NTN1: variants seen among roughly 807,000 people sequenced by gnomAD.
The protein encoded by NTN1 is netrin-1.
A neutral mutation model predicts 54.2 loss-of-function variants in NTN1; 11 were observed. The ratio of observed to expected loss-of-function variants is 0.20; its 90% CI spans 0.13 to 0.34. The LOEUF (loss-of-function observed/expected upper bound fraction) is 0.34. NTN1 is among the 10% of genes least tolerant of loss of function. The probability of loss-of-function intolerance (pLI) is 1.00; values close to 1 mark genes in which losing one functional copy is unlikely to be tolerated. For synonymous variants in NTN1, 371 were observed against 382.0 expected, an observed-to-expected ratio of 0.97 and a Z score of 0.33; for missense variants, 740 against 893.1, an observed-to-expected ratio of 0.83 and a Z score of 2.18.
At chr17:9,159,656 C>T (rs1276775582) in intron 2 of NTN1, among the ~76,000 whole-genome samples, 1 of 151,980 alleles carries the variant, frequency 6.6e-6, no homozygotes, top group Non-Finnish European at 1.5e-5. Context: ...AAAAAATTAG[C>T]CGGGTGTGGT....
chr17:9,208,689 T>G (rs533095474), intron 5 of NTN1, among the ~76,000 whole-genome samples: 2 of 152,288 alleles, frequency 1.3e-5, no homozygotes, highest in South Asian at 2.1e-4. Context: ...TCCTGTTTTT[T>G]CCAGATATTA....
intron 5 of NTN1, among the ~76,000 whole-genome samples, chr17:9,186,695 T>TA (rs1347223576): frequency 6.6e-6 from 1 of 152,146 alleles, no homozygotes; most frequent in Non-Finnish European, 1.5e-5. Context: ...ACTCAGGTGC[T>TA]ACCAGGCCTG....
At chr17:9,011,290 C>T in the NTN1 span, among the ~76,000 whole-genome samples, 4 of 152,140 alleles carry the variant, frequency 2.6e-5, no homozygotes, top group East Asian at 1.9e-4. Context: ...TAGGGACCCC[C>T]GCTGTAGGGA....
At chr17:9,163,031 G>C in intron 3 of NTN1, 30 bp downstream of exon 3, 1 of 1,553,502 alleles carries the variant, frequency 6.4e-7, no homozygotes, top group Admixed American at 1.9e-5. Flanking sequence ...GCGGGGGGCT[G>C]GGGAGACCCG....
chr17:9,053,654 A>G (rs1478379612), intron 2 of NTN1, among the ~76,000 whole-genome samples: 2 of 152,246 alleles, frequency 1.3e-5, no homozygotes, highest in Non-Finnish European at 2.9e-5. Context: ...CACATTGCAG[A>G]TGCTTAGTAC....
chr17:9,179,979 T>A, intron 4 of NTN1, 23 bp downstream of exon 4: 1 of 1,602,964 alleles, frequency 6.2e-7, no homozygotes, highest in Non-Finnish European at 8.5e-7. Flanking sequence ...CACCCTGCTT[T>A]TCAAGTCTCT....
intron 3 of NTN1, chr17:9,174,982 G>A (rs1002859704): frequency 6.6e-6 from 1 of 152,386 alleles, no homozygotes; most frequent in African/African-American, 2.4e-5. Flanking sequence ...ATGGGCACGT[G>A]GCCTTGGATC....
intron 2 of NTN1, among the ~76,000 whole-genome samples, chr17:9,112,252 A>C (rs897143702): frequency 6.6e-6 from 1 of 152,242 alleles, no homozygotes; most frequent in African/African-American, 2.4e-5. Flanking sequence ...AAGTAAAGAG[A>C]AACCAAGTAC....
At chr17:9,131,412 A>T (rs1597499390) in intron 2 of NTN1, among the ~76,000 whole-genome samples, 1 of 152,140 alleles carries the variant, frequency 6.6e-6, no homozygotes, top group South Asian at 2.1e-4. Flanking sequence ...CCTGGCGCAT[A>T]GGCTTTTGAG....
intron 2 of NTN1, among the ~76,000 whole-genome samples, chr17:9,034,794 A>G (rs555144177): frequency 9.9e-5 from 15 of 152,268 alleles, no homozygotes; most frequent in African/African-American, 3.1e-4. Flanking sequence ...TTATGTGTCC[A>G]GTGCAAAGAC....
In NTN1 at chr17:9,022,829, C is replaced by T; in HGVS notation, c.456C>T (p.Cys152=). Residue 152 remains cysteine, a synonymous_variant, in exon 2 of 7, where the codon TGC becomes TGT. Transcript: ENST00000173229. The part of the protein sequence containing the change: ...FEVTYVSLQF[C]SPRPESMAIY... Reference sequence around the variant, plus strand: ...TGACCTACGTGAGCCTGCAGTTCTGCTCGCCGCGGCCCGAGTCCATGGCCA... The same window carrying T: ...TGACCTACGTGAGCCTGCAGTTCTGTTCGCCGCGGCCCGAGTCCATGGCCA... 6.2e-7 allele frequency: 1 copy of T among 1,611,582 alleles called. No homozygotes were observed. Among genetic ancestry groups the T allele is most frequent in the Non-Finnish European group, 8.5e-7 (1 of 1,179,500 alleles).
chr17:9,097,594 T>C (rs565020317), intron 2 of NTN1, among the ~76,000 whole-genome samples: 1 of 152,008 alleles, frequency 6.6e-6, no homozygotes, highest in Middle Eastern at 3.4e-3. Context: ...CACTGTACTC[T>C]AGCCTGGGCA....
intron 2 of NTN1, among the ~76,000 whole-genome samples, chr17:9,069,226 G>T (rs780965271): frequency 4.8e-4 from 68 of 141,714 alleles, no homozygotes; most frequent in Non-Finnish European, 8.1e-4. Flanking sequence ...TAGACACCGA[G>T]ATCTCACTTC....
chr17:9,226,455 GTCTCGTGGGGAGGCT>G (rs1218806340), intron 6 of NTN1, among the ~76,000 whole-genome samples: 17 of 51,070 alleles, frequency 3.3e-4, no homozygotes, highest in South Asian at 2.2e-3. Flanking sequence ...TGGGGAGGCT[GTCTCGTGGGGAGGCT>G]GTCTCGTGGG....
chr17:9,075,348 G>A (rs1019196867), intron 2 of NTN1, among the ~76,000 whole-genome samples: 3 of 152,062 alleles, frequency 2.0e-5, no homozygotes, highest in East Asian at 1.9e-4. Context: ...TGGGCATGGC[G>A]GTGGGCACCT....
chr17:9,009,851 C>T, the NTN1 span, among the ~76,000 whole-genome samples: 1 of 152,110 alleles, frequency 6.6e-6, no homozygotes, highest in Non-Finnish European at 1.5e-5. Flanking sequence ...ATGAGTGGCC[C>T]CCAACCCGTT....
chr17:9,183,389 G>A (rs1269454040), intron 5 of NTN1: 5 of 475,324 alleles, frequency 1.1e-5, no homozygotes, highest in Non-Finnish European at 8.5e-6. Context: ...GGGCCCAGGA[G>A]CTGGGCGTGG....
rs1040566399 is a variant in NTN1 at position 9,243,987 on chromosome 17, ACT to A, written c.*4022_*4023del. The A allele has an allele frequency of 6.6e-5, 10 of 151,304 alleles. No homozygotes were observed. The highest frequency in any genetic ancestry group is 2.4e-4 in the African/African-American group (10 of 40,990). The allele number at this position is 151,304 out of a possible 1,614,324, so 9.4% of individuals were successfully genotyped here. Reference sequence around the variant, plus strand: ...ACTAAATTCAGATATCATTAAATAAACTCTTGTACACTATGCCGTCTCGCAGT... The same window carrying A: ...ACTAAATTCAGATATCATTAAATAAACTTGTACACTATGCCGTCTCGCAGT... On this transcript the variant is annotated 3_prime_UTR_variant, in exon 7 of 7. Transcript: ENST00000173229.
chr17:9,132,271 A>G (rs2092268139), intron 2 of NTN1, among the ~76,000 whole-genome samples: 1 of 152,090 alleles, frequency 6.6e-6, no homozygotes, highest in Non-Finnish European at 1.5e-5. Flanking sequence ...ATGTACTTTC[A>G]TGAACATTAC....
Sources: gnomAD v4.1 joint callset for allele counts (sites outside exome capture counted in the v4.1 genomes callset) on GRCh38, gnomAD v4.1.1 for gene constraint, MANE v1.5 for transcripts, NCBI Gene and HGNC (gene_info 2026-07-23, HGNC 2026-07-21) for gene names.